Variants in ZUP1 observed in about 807,000 individuals in gnomAD.
The protein encoded by ZUP1 is zinc finger-containing ubiquitin peptidase 1.
In ZUP1, 55 loss-of-function variants were observed where a neutral mutation model predicts 68.1. The ratio of observed to expected loss-of-function variants is 0.81; its 90% CI spans 0.65 to 1.01. ZUP1 has a LOEUF of 1.01. Among genes scored for constraint, ZUP1 ranks in the 50% least tolerant of loss-of-function variants. ZUP1 has a pLI of 0.00. For synonymous variants in ZUP1, 223 were observed against 221.5 expected (o/e 1.01, Z -0.06); for missense variants, 684 against 674.9 (o/e 1.01, Z -0.15).
At chr6:116,638,954 G>A (rs759224721) in intron 9 of ZUP1, among the ~76,000 whole-genome samples, 6 of 152,178 alleles carry the variant, frequency 3.9e-5, no homozygotes, top group East Asian at 3.9e-4. Flanking sequence ...GGTGACAGGC[G>A]GCACCTGGAA....
intron 4 of ZUP1, among the ~76,000 whole-genome samples, chr6:116,657,861 C>A (rs977538672): frequency 6.6e-6 from 1 of 152,190 alleles, no homozygotes; most frequent in Non-Finnish European, 1.5e-5. Flanking sequence ...GAGGCCAAGG[C>A]AGGTGGATCA....
rs745809158 is a variant in ZUP1, at chr6:116,666,665, C to A, written c.528G>T (p.Lys176Asn). Residue 176 changes from lysine to asparagine, a missense_variant, in exon 2 of 10, where the codon AAG becomes AAT. Lys to Asn is a moderately conservative substitution (Grantham distance 94). Transcript: ENST00000368576. ...ATGGAATGTCTAAAAGATTGGCATG[C>A]TTTGTTTTCACATGAGTTTCCATAT... ...SEDMETHVKT[K>N]HANLLDIPLE... 6.3e-7 allele frequency: 1 copy of A among 1,592,656 alleles called. No homozygotes were observed. Among genetic ancestry groups the A allele is most frequent in the South Asian group, 1.2e-5 (1 of 86,172 alleles).
intron 9 of ZUP1, among the ~76,000 whole-genome samples, chr6:116,638,049 G>C (rs191285297): frequency 5.7e-4 from 79 of 139,290 alleles, no homozygotes; most frequent in African/African-American, 1.9e-3. Context: ...TTGGGTGACA[G>C]AGTGAGAGTC....
Position 116,658,886 on chromosome 6 carries a change from C to A in ZUP1, c.709G>T (p.Ala237Ser), listed in dbSNP as rs779008448. ...RVQCSGDLQLAHQLQQEEDRK... is the reference protein window; with the variant it reads ...RVQCSGDLQLSHQLQQEEDRK... The stretch of plus-strand genomic sequence containing the variant: ...TCTTCTTCTTGCTGAAGCTGGTGAG[C>A]CAATTGTAGATCACCAGAACACTGG... The change falls in exon 4 of 10, where the codon GCT (alanine) becomes TCT (serine). Residue 237 changes from alanine (A) to serine (S), a missense_variant. Coordinates refer to ENST00000368576, the MANE Select transcript of ZUP1 (RefSeq NM_145062.3). The A allele has an allele frequency of 6.2e-7, 1 of 1,612,000 alleles. No individual in the cohort carries two copies. Among genetic ancestry groups the A allele is most frequent in the South Asian group, 1.1e-5 (1 of 90,878 alleles).
intron 7 of ZUP1, among the ~76,000 whole-genome samples, chr6:116,648,843 G>T (rs531511861): frequency 6.6e-6 from 1 of 151,796 alleles, no homozygotes; most frequent in South Asian, 2.1e-4. Context: ...GGTGGCACAT[G>T]CCTGTAATCC....
intron 1 of ZUP1, among the ~76,000 whole-genome samples, chr6:116,667,773 T>C (rs1039196796): frequency 2.0e-5 from 3 of 152,224 alleles, no homozygotes; most frequent in Admixed American, 2.0e-4. Flanking sequence ...GAAGCCAAAA[T>C]GCCAACCCCG....
In ZUP1 at chr6:116,666,761, T is replaced by A. The variant is rs147255343; in HGVS notation, c.432A>T (p.Gly144=). 3.7e-6 allele frequency: 6 copies of A among 1,613,946 alleles called. No individual in the cohort carries two copies. In the South Asian group the frequency reaches 6.6e-5, roughly 18 times the overall value. The part of the protein sequence containing the change: ...EKQSSLTEIK[G]SVYETTYSPP... ...GACTGTATGTTGTTTCATAAACAGATCCTTTTATTTCGGTCAGGCTGGACT... is the reference window on the plus strand; with the variant it reads ...GACTGTATGTTGTTTCATAAACAGAACCTTTTATTTCGGTCAGGCTGGACT... Residue 144 remains glycine (G), a synonymous_variant, in exon 2 of 10, where the codon GGA becomes GGT. Transcript: ENST00000368576.
intron 5 of ZUP1, 92 bp from the exon 6 acceptor site, chr6:116,652,284 T>A: frequency 1.1e-6 from 1 of 951,240 alleles, no homozygotes; most frequent in South Asian, 1.7e-5. Context: ...TCACGCACCA[T>A]ACCTAAATCC....
At chr6:116,664,704 G>C (rs998715092) in intron 2 of ZUP1, among the ~76,000 whole-genome samples, 10 of 152,072 alleles carry the variant, frequency 6.6e-5, no homozygotes, top group African/African-American at 2.4e-4. Context: ...GGGAACAAAA[G>C]TCACATAGAT....
intron 9 of ZUP1, among the ~76,000 whole-genome samples, chr6:116,637,823 T>C (rs1775947524): frequency 6.6e-6 from 1 of 152,084 alleles, no homozygotes. Flanking sequence ...AGCACTTTGG[T>C]AGGCCAAGGC....
intron 9 of ZUP1, 53 bp from the exon 10 acceptor site, chr6:116,635,932 A>G (rs1206883697): frequency 3.3e-6 from 4 of 1,210,326 alleles, no homozygotes; most frequent in African/African-American, 3.1e-5. Context: ...ATTAATTAGA[A>G]TATGTGTTGT....
intron 9 of ZUP1, among the ~76,000 whole-genome samples, chr6:116,642,499 A>G (rs9400942): frequency 0.36 from 54,994 of 151,268 alleles, 10,652 homozygotes; most frequent in African/African-American, 0.5. Flanking sequence ...TGATCAAGTG[A>G]GCTTCATCCC....
In ZUP1 at chr6:116,666,819, TC is replaced by T; in HGVS notation, c.373del (p.Glu125AsnfsTer6). On this transcript the variant is annotated frameshift_variant, in exon 2 of 10. Transcript: ENST00000368576. LOFTEE classifies it high-confidence loss of function. ...HEGFYSENLT[E>X]SRKFLKSREK... ...CCTACTTTTCAGGAATTTTCTAGATTCAGTTAAGTTCTCTGAATAGAAGCCT... is the reference window on the plus strand; with the variant it reads ...CCTACTTTTCAGGAATTTTCTAGATTAGTTAAGTTCTCTGAATAGAAGCCT... 6.2e-7 allele frequency: 1 copy of T among 1,612,892 alleles called. No homozygotes were observed. Among genetic ancestry groups the T allele is most frequent in the South Asian group, 1.1e-5 (1 of 90,684 alleles).
At chr6:116,662,497 C>T (rs776189846) in intron 2 of ZUP1, among the ~76,000 whole-genome samples, 26 of 152,198 alleles carry the variant, frequency 1.7e-4, no homozygotes, top group African/African-American at 5.8e-4. Context: ...TGAATCCAAT[C>T]TAATTGTTCA....
At chr6:116,638,420 T>C (rs1439133411) in intron 9 of ZUP1, among the ~76,000 whole-genome samples, 1 of 152,148 alleles carries the variant, frequency 6.6e-6, no homozygotes, top group African/African-American at 2.4e-5. Context: ...CCTAGGAATT[T>C]TTCTGGAATA....
chr6:116,639,404 C>T (rs1010048626), intron 9 of ZUP1, among the ~76,000 whole-genome samples: 2 of 152,232 alleles, frequency 1.3e-5, no homozygotes, highest in Non-Finnish European at 2.9e-5. Flanking sequence ...GTCCCTGACC[C>T]CTGACCCCTG....
At chr6:116,654,739 A>T (rs1273497739) in intron 5 of ZUP1, among the ~76,000 whole-genome samples, 1 of 152,086 alleles carries the variant, frequency 6.6e-6, no homozygotes, top group East Asian at 1.9e-4. Flanking sequence ...CAAACAACTC[A>T]ATAGAGAATA....
chr6:116,655,098 A>G, intron 5 of ZUP1, among the ~76,000 whole-genome samples: 1 of 152,070 alleles, frequency 6.6e-6, no homozygotes, highest in Non-Finnish European at 1.5e-5. Context: ...AAGATAAGTT[A>G]GCTATAATTA....
At chr6:116,649,417 A>G (rs1389196975) in intron 7 of ZUP1, among the ~76,000 whole-genome samples, 1 of 152,234 alleles carries the variant, frequency 6.6e-6, no homozygotes, top group Admixed American at 6.5e-5. Flanking sequence ...ATGGGAATAG[A>G]CAGGAAAAGA....
Sources: allele counts gnomAD v4.1 joint callset (sites outside exome capture counted in the v4.1 genomes callset), GRCh38; gene constraint gnomAD v4.1.1; transcripts MANE v1.5; gene names NCBI Gene and HGNC (gene_info 2026-07-23, HGNC 2026-07-21).